Variants in ZNF385D observed in about 807,000 individuals in gnomAD.
The protein encoded by ZNF385D is zinc finger protein 659.
ZNF385D carries 15 observed loss-of-function variants against 35.8 expected under a neutral mutation model. The ratio of observed to expected loss-of-function variants is 0.42; its 90% CI spans 0.28 to 0.64. The LOEUF is 0.64. Ranked by LOEUF, ZNF385D falls within the 30% of genes least tolerant of loss-of-function variation. The pLI, the probability that ZNF385D is intolerant of heterozygous loss-of-function variation, is 0.23. For missense variants in ZNF385D, 474 were observed against 494.6 expected, an observed-to-expected ratio of 0.96 and a Z score of 0.39; for synonymous variants, 212 against 186.8, an observed-to-expected ratio of 1.13 and a Z score of -1.10.
At chr3:21,488,533 G>A (rs1423622082) in intron 4 of ZNF385D, among the ~76,000 whole-genome samples, 1 of 152,036 alleles carries the variant, frequency 6.6e-6, no homozygotes, top group Non-Finnish European at 1.5e-5. Flanking sequence ...GGCCACATGT[G>A]TCTACATCTC....
At chr3:22,297,948 A>C (rs988125170) in intron 2 of ZNF385D, among the ~76,000 whole-genome samples, 1 of 152,080 alleles carries the variant, frequency 6.6e-6, no homozygotes, top group Non-Finnish European at 1.5e-5. Flanking sequence ...ATATGTTTCT[A>C]TAGTTTTGTT....
intron 3 of ZNF385D, among the ~76,000 whole-genome samples, chr3:22,001,684 T>C (rs1168974500): frequency 6.6e-6 from 1 of 151,950 alleles, no homozygotes; most frequent in African/African-American, 2.4e-5. Flanking sequence ...TTCTTCTCAT[T>C]AGCATAGGAA....
At chr3:21,773,664 G>C (rs1455143716) in intron 3 of ZNF385D, among the ~76,000 whole-genome samples, 1 of 151,782 alleles carries the variant, frequency 6.6e-6, no homozygotes, top group East Asian at 2.0e-4. Flanking sequence ...ACAAACATAT[G>C]TTAACAAGCC....
At chr3:21,458,789 G>C (rs375629795) in intron 4 of ZNF385D, among the ~76,000 whole-genome samples, 78 of 144,676 alleles carry the variant, frequency 5.4e-4, no homozygotes, top group African/African-American at 1.9e-3. Flanking sequence ...AGTGAGGGGA[G>C]AGGGAGTCCA....
intron 3 of ZNF385D, among the ~76,000 whole-genome samples, chr3:21,892,667 T>C (rs569412211): frequency 6.6e-4 from 100 of 152,276 alleles, no homozygotes; most frequent in African/African-American, 2.2e-3. Context: ...TAAATTTAAA[T>C]TAAATTTAAT....
At chr3:22,355,501 C>A (rs145703680) in intron 2 of ZNF385D, among the ~76,000 whole-genome samples, 67 of 151,900 alleles carry the variant, frequency 4.4e-4, no homozygotes, top group African/African-American at 1.6e-3. Flanking sequence ...GAAATGAAGT[C>A]TCAGAGCACC....
intron 3 of ZNF385D, among the ~76,000 whole-genome samples, chr3:21,765,491 A>G (rs2070787570): frequency 6.6e-6 from 1 of 152,098 alleles, no homozygotes; most frequent in Admixed American, 6.6e-5. Flanking sequence ...GCCTAGCTTG[A>G]AAAGATGAAC....
intron 4 of ZNF385D, among the ~76,000 whole-genome samples, chr3:21,444,720 T>G (rs1702055106): frequency 6.6e-6 from 1 of 152,172 alleles, no homozygotes; most frequent in South Asian, 2.1e-4. Flanking sequence ...ATCAATTAGC[T>G]TCATAGGGAC....
intron 3 of ZNF385D, among the ~76,000 whole-genome samples, chr3:22,167,006 C>T (rs1467795165): frequency 6.6e-6 from 1 of 152,194 alleles, no homozygotes; most frequent in East Asian, 1.9e-4. Flanking sequence ...CTGAAATATA[C>T]ATTTTAAAAT....
At chr3:22,206,467 G>A (rs780494258) in intron 2 of ZNF385D, among the ~76,000 whole-genome samples, 1 of 151,892 alleles carries the variant, frequency 6.6e-6, no homozygotes, top group Non-Finnish European at 1.5e-5. Context: ...TCCAGTTGCT[G>A]CAGAATACAC....
At chr3:21,625,031 TC>T (rs2065098307) in intron 2 of ZNF385D, among the ~76,000 whole-genome samples, 1 of 151,978 alleles carries the variant, frequency 6.6e-6, no homozygotes, top group Non-Finnish European at 1.5e-5. Context: ...CCTAACCATC[TC>T]CCAAATATTT....
chr3:22,191,907 T>C (rs556212189), intron 2 of ZNF385D, among the ~76,000 whole-genome samples: 1 of 89,566 alleles, frequency 1.1e-5, no homozygotes, highest in East Asian at 2.3e-4. Flanking sequence ...GAGGTACCAA[T>C]CTATAAAAAA....
intron 2 of ZNF385D, among the ~76,000 whole-genome samples, chr3:22,174,620 A>G (rs1031829945): frequency 2.6e-5 from 4 of 152,202 alleles, no homozygotes; most frequent in Non-Finnish European, 5.9e-5. Context: ...GTAGAGACCA[A>G]GGCTAAACAC....
chr3:21,448,863 C>T (rs201169245), intron 4 of ZNF385D, among the ~76,000 whole-genome samples: 2 of 151,912 alleles, frequency 1.3e-5, no homozygotes, highest in Admixed American at 6.6e-5. Flanking sequence ...CAAACTGCCC[C>T]AGCACCAAAA....
intron 2 of ZNF385D, among the ~76,000 whole-genome samples, chr3:21,614,527 G>C (rs1468912520): frequency 1.3e-5 from 2 of 152,216 alleles, no homozygotes; most frequent in East Asian, 3.9e-4. Flanking sequence ...TGAGCATGGA[G>C]GAACATGGAT....
intron 4 of ZNF385D, among the ~76,000 whole-genome samples, chr3:21,482,441 C>T (rs1435032644): frequency 6.6e-6 from 1 of 152,130 alleles, no homozygotes; most frequent in Non-Finnish European, 1.5e-5. Flanking sequence ...TTCCATCTGG[C>T]CTTTTACAGA....
intron 3 of ZNF385D, among the ~76,000 whole-genome samples, chr3:21,534,091 T>G (rs1276871595): frequency 6.6e-6 from 1 of 151,818 alleles, no homozygotes; most frequent in East Asian, 1.9e-4. Flanking sequence ...GGCAGTATAA[T>G]CATCTTCATT....
intron 2 of ZNF385D, among the ~76,000 whole-genome samples, chr3:22,279,031 C>A (rs1219442684): frequency 6.6e-6 from 1 of 152,100 alleles, no homozygotes; most frequent in Non-Finnish European, 1.5e-5. Flanking sequence ...CCACTTCCTA[C>A]ACAGAAATGT....
At chr3:21,708,401 A>G (rs369273672) in intron 1 of ZNF385D, among the ~76,000 whole-genome samples, 6 of 152,186 alleles carry the variant, frequency 3.9e-5, no homozygotes, top group African/African-American at 1.4e-4. Flanking sequence ...AAGCGGAAGA[A>G]ATAGGATTTA....
Sources: gnomAD v4.1 joint callset for allele counts (sites outside exome capture counted in the v4.1 genomes callset) on GRCh38, gnomAD v4.1.1 for gene constraint, MANE v1.5 for transcripts, NCBI Gene and HGNC (gene_info 2026-07-23, HGNC 2026-07-21) for gene names.